The following EPHA6 variants were observed in gnomAD, a reference collection of about 807,000 sequenced individuals.
EPHA6 encodes ephrin type-A receptor 6.
EPHA6 carries 50 observed loss-of-function variants against 112.0 expected under a neutral mutation model. That is an observed-to-expected ratio of 0.45 (90% CI 0.36 to 0.56). EPHA6 has a LOEUF of 0.56. EPHA6 is among the 20% of genes least tolerant of loss of function. The probability of loss-of-function intolerance (pLI) is 0.00; values close to 1 mark genes in which losing one functional copy is unlikely to be tolerated. For synonymous variants in EPHA6, 529 were observed against 490.7 expected, an observed-to-expected ratio of 1.08 and a Z score of -1.03; for missense variants, 1,280 against 1,417.4, an observed-to-expected ratio of 0.90 and a Z score of 1.56.
intron 5 of EPHA6, among the ~76,000 whole-genome samples, chr3:97,272,312 G>A (rs1216819919): frequency 2.2e-4 from 5 of 23,136 alleles, no homozygotes; most frequent in East Asian, 4.0e-3. Flanking sequence ...GTGTGTGTGT[G>A]TGTGTGTGTG....
chr3:96,830,282 A>T (rs2107270554), intron 1 of EPHA6, among the ~76,000 whole-genome samples: 1 of 152,222 alleles, frequency 6.6e-6, no homozygotes, highest in Non-Finnish European at 1.5e-5. Flanking sequence ...AAAAACTCGA[A>T]CATGTTTTAT....
At chr3:97,041,349 G>A (rs1352468456) in intron 3 of EPHA6, among the ~76,000 whole-genome samples, 3 of 152,048 alleles carry the variant, frequency 2.0e-5, no homozygotes, top group African/African-American at 7.2e-5. Context: ...AAAGCCTGGA[G>A]TGTATAGATG....
intron 3 of EPHA6, among the ~76,000 whole-genome samples, chr3:97,011,746 C>T (rs2044092613): frequency 6.6e-6 from 1 of 152,106 alleles, no homozygotes; most frequent in African/African-American, 2.4e-5. Context: ...GATCCCATCA[C>T]CCAGGTAGTG....
chr3:96,866,768 T>C, intron 1 of EPHA6, 57 bp from the exon 2 acceptor site: 2 of 876,972 alleles, frequency 2.3e-6, no homozygotes, highest in Non-Finnish European at 3.4e-6. Flanking sequence ...AATAATTTAA[T>C]ATATTTTTGC....
chr3:97,759,367 C>G lies in EPHA6; in HGVS notation c.*10666C>G, dbSNP rs2036101646. Among the ~76,000 whole-genome samples the G allele has an allele frequency of 6.6e-6, 1 of 151,928 alleles. No individual in the cohort carries two copies. Among genetic ancestry groups the G allele is most frequent in the Non-Finnish European group, 1.5e-5 (1 of 67,870 alleles). The stretch of plus-strand genomic sequence containing the variant: ...AGGAGGTGAAATCACTATCTATAAA[C>G]AACTCTCTCAAAAAGCTTTGATGTA... On this transcript the variant is annotated 3_prime_UTR_variant, in exon 18 of 18. Transcript: ENST00000389672.
intron 11 of EPHA6, among the ~76,000 whole-genome samples, chr3:97,589,353 A>G (rs1387087393): frequency 6.6e-6 from 1 of 152,056 alleles, no homozygotes; most frequent in Non-Finnish European, 1.5e-5. Context: ...TGTAATCAGA[A>G]TGCTTCCTCA....
intron 3 of EPHA6, among the ~76,000 whole-genome samples, chr3:97,214,038 T>TGTGTGTGTGTGTGTGTGTGAGAGA (rs1491420279): frequency 2.6e-5 from 2 of 77,844 alleles, no homozygotes; most frequent in African/African-American, 7.0e-5. Flanking sequence ...TGTGTGTGTG[T>TGTGTGTGTGTGTGTGTGTGAGAGA]GAGAGAGAGA....
Position 96,975,019 on chromosome 3 carries a change from G to A in EPHA6, c.451-12311G>A, listed in dbSNP as rs185931311. Among the ~76,000 whole-genome samples the A allele has an allele frequency of 1.9e-3, 282 of 152,244 alleles. 3 individuals are homozygous for A. The highest frequency in any genetic ancestry group is 3.2e-3 in the Non-Finnish European group (215 of 68,010). Reference sequence around the variant, plus strand: ...TGGTCAGGTGGTAGAAGACAGGAGTGAGGGGCAATCTAGGCTAGAGCCTTT... The same window carrying A: ...TGGTCAGGTGGTAGAAGACAGGAGTAAGGGGCAATCTAGGCTAGAGCCTTT... On this transcript the variant is annotated intron_variant, in intron 2 of 17. Coordinates refer to ENST00000389672, the MANE Select transcript of EPHA6 (RefSeq NM_001080448.3).
intron 2 of EPHA6, among the ~76,000 whole-genome samples, chr3:96,962,396 T>C (rs1335585008): frequency 6.6e-6 from 1 of 151,026 alleles, no homozygotes; most frequent in African/African-American, 2.4e-5. Flanking sequence ...GTAGAATGGA[T>C]TAGAGAACAG....
At chr3:97,727,556 G>C (rs1484588403) in intron 15 of EPHA6, among the ~76,000 whole-genome samples, 1 of 151,964 alleles carries the variant, frequency 6.6e-6, no homozygotes, top group Non-Finnish European at 1.5e-5. Flanking sequence ...TTTTGTCTCT[G>C]ATTAGATTTT....
chr3:96,956,850 T>G (rs1332170029), intron 2 of EPHA6, among the ~76,000 whole-genome samples: 1 of 151,946 alleles, frequency 6.6e-6, no homozygotes, highest in African/African-American at 2.4e-5. Context: ...CTGGCCAAGA[T>G]GGTGAAACCC....
At chr3:97,596,267 A>C (rs1343139028) in intron 12 of EPHA6, among the ~76,000 whole-genome samples, 5 of 152,124 alleles carry the variant, frequency 3.3e-5, no homozygotes, top group Non-Finnish European at 7.4e-5. Context: ...TTATTTCTTT[A>C]ACTTAATTAT....
At chr3:97,507,867 C>A (rs925628704) in intron 10 of EPHA6, among the ~76,000 whole-genome samples, 6 of 152,106 alleles carry the variant, frequency 3.9e-5, no homozygotes, top group Admixed American at 3.9e-4. Context: ...AGGGATTCGA[C>A]TTCTTCCTGG....
chr3:97,085,948 TAC>T (rs1553701214), intron 3 of EPHA6, among the ~76,000 whole-genome samples: 2 of 145,124 alleles, frequency 1.4e-5, no homozygotes, highest in Admixed American at 6.8e-5. Context: ...TATATATATA[TAC>T]ACACTGAGAT....
intron 5 of EPHA6, among the ~76,000 whole-genome samples, chr3:97,287,668 T>A (rs1427326304): frequency 6.6e-6 from 1 of 152,180 alleles, no homozygotes; most frequent in Non-Finnish European, 1.5e-5. Flanking sequence ...ATTGTGATGA[T>A]CATGTTATTT....
Position 97,755,248 on chromosome 3 carries a change from G to A in EPHA6, c.*6547G>A, listed in dbSNP as rs973456457. 6.6e-6 allele frequency among the ~76,000 whole-genome samples: 1 copy of A among 152,064 alleles called. No homozygotes were observed. The highest frequency in any genetic ancestry group is 1.9e-4 in the East Asian group (1 of 5,192). On this transcript the variant is annotated 3_prime_UTR_variant, in exon 18 of 18. Transcript: ENST00000389672. ...GCTCTTAAATGTTAAATAAAGATGTGGCTTCTATATTTAATTAAAAAATAA... is the reference window on the plus strand; with the variant it reads ...GCTCTTAAATGTTAAATAAAGATGTAGCTTCTATATTTAATTAAAAAATAA...
chr3:96,902,609 C>T (rs1421715747), intron 2 of EPHA6, among the ~76,000 whole-genome samples: 2 of 152,146 alleles, frequency 1.3e-5, no homozygotes, highest in Admixed American at 1.3e-4. Flanking sequence ...TTGATGGAGT[C>T]CACATTTCAG....
intron 3 of EPHA6, among the ~76,000 whole-genome samples, chr3:97,024,999 A>C (rs532749674): frequency 6.6e-6 from 1 of 152,300 alleles, no homozygotes; most frequent in East Asian, 1.9e-4. Flanking sequence ...TGTATATGTA[A>C]TGTAAAGAGG....
At chr3:96,955,832 T>G (rs1011419230) in intron 2 of EPHA6, among the ~76,000 whole-genome samples, 21 of 152,214 alleles carry the variant, frequency 1.4e-4, no homozygotes, top group African/African-American at 4.1e-4. Context: ...GCATTTTAAT[T>G]AAAAACAGTT....
Sources: gnomAD v4.1 joint callset for allele counts (sites outside exome capture counted in the v4.1 genomes callset) on GRCh38, gnomAD v4.1.1 for gene constraint, MANE v1.5 for transcripts, NCBI Gene and HGNC (gene_info 2026-07-23, HGNC 2026-07-21) for gene names.